The following XYLB variants were observed in gnomAD, a reference collection of about 807,000 sequenced individuals.
XYLB encodes the protein xylulose kinase.
Under a neutral mutation model 78.7 loss-of-function variants are expected in XYLB, and 62 were observed. The ratio of observed to expected loss-of-function variants is 0.79; its 90% CI spans 0.64 to 0.97. The LOEUF is 0.97. Among genes scored for constraint, XYLB ranks in the 50% least tolerant of loss-of-function variants. XYLB has a pLI of 0.00. For synonymous variants in XYLB, 245 were observed against 247.4 expected (o/e 0.99, Z 0.09); for missense variants, 687 against 676.8 (o/e 1.02, Z -0.17).
rs71959934 is a variant in XYLB at position 38,374,027 on chromosome 3, T to TA, written c.848-423dup. ...AGTGAGACCCCACCTATATATCTCT[T>TA]AAAAAAAAAAAAGATTGCTGTTGTG... On this transcript the variant is annotated intron_variant, in intron 10 of 18. Coordinates refer to ENST00000207870, the MANE Select transcript of XYLB (RefSeq NM_005108.4). Among the ~76,000 whole-genome samples the TA allele has an allele frequency of 5.4e-3, 799 of 146,958 alleles. 2 individuals carry two copies. Among genetic ancestry groups the TA allele is most frequent in the South Asian group, 0.018 (85 of 4,664 alleles).
At chr3:38,434,504 TC>T in the XYLB span, among the ~76,000 whole-genome samples, 1 of 152,230 alleles carries the variant, frequency 6.6e-6, no homozygotes, top group Non-Finnish European at 1.5e-5. Flanking sequence ...GAAATGTCTT[TC>T]CCAAATAAGC....
At chr3:38,442,088 A>C in the XYLB span, among the ~76,000 whole-genome samples, 1 of 152,204 alleles carries the variant, frequency 6.6e-6, no homozygotes, top group Admixed American at 6.5e-5. Context: ...AGCAAAACCC[A>C]GTGATTCCAA....
intron 15 of XYLB, among the ~76,000 whole-genome samples, chr3:38,385,231 C>T (rs1374539232): frequency 6.6e-6 from 1 of 152,136 alleles, no homozygotes; most frequent in African/African-American, 2.4e-5. Flanking sequence ...AACTCTTGAC[C>T]TCACGTGATC....
chr3:38,346,966 C>A lies in XYLB; in HGVS notation c.57+41C>A, dbSNP rs140100060. On this transcript the variant is annotated intron_variant, in intron 1 of 18. Coordinates refer to ENST00000207870, the MANE Select transcript of XYLB (RefSeq NM_005108.4). Reference sequence around the variant, plus strand: ...CGCAGGGCCACGGGGCCGCCTCCTCCGCTTCGGTGGGGGTAGGGGGCGGGC... The same window carrying A: ...CGCAGGGCCACGGGGCCGCCTCCTCAGCTTCGGTGGGGGTAGGGGGCGGGC... The A allele has an allele frequency of 4.4e-4, 617 of 1,416,510 alleles. 1 individual carries two copies. In the African/African-American group the frequency reaches 8.0e-3, roughly 18 times the overall value. The allele number at this position is 1,416,510 out of a possible 1,614,324, so 87.7% of individuals were successfully genotyped here. A position where few individuals can be genotyped will look rare whatever the true frequency, so the allele number is the denominator to read the frequency against.
At chr3:38,410,097 C>A (rs1708509731) in intron 18 of XYLB, among the ~76,000 whole-genome samples, 1 of 152,284 alleles carries the variant, frequency 6.6e-6, no homozygotes, top group Admixed American at 6.5e-5. Context: ...GCCAAAAGAA[C>A]AAAGCTGGAG....
chr3:38,366,954 C>T, intron 7 of XYLB, 81 bp downstream of exon 7: 1 of 970,230 alleles, frequency 1.0e-6, no homozygotes, highest in East Asian at 2.5e-5. Context: ...ATCTTACGTG[C>T]AGTGACTGAA....
At position 38,365,677 on chromosome 3, in the gene XYLB, G is replaced by C. The variant is rs1290727445; in HGVS notation, c.448G>C (p.Glu150Gln). 5.6e-6 allele frequency: 9 copies of C among 1,613,840 alleles called. No homozygotes were observed. Among genetic ancestry groups the C allele is most frequent in the Non-Finnish European group, 7.6e-6 (9 of 1,180,000 alleles). The change falls in exon 6 of 19, where the codon GAG becomes CAG. Residue 150 changes from glutamate to glutamine, a missense_variant. Physicochemically the swap from Glu to Gln is conservative, Grantham distance 29. Coordinates refer to ENST00000207870, the MANE Select transcript of XYLB (RefSeq NM_005108.4). ...SSTTAQCRQL[E>Q]AAVGGAQALS... is the part of the protein sequence containing the mutation. ...CACCACAGCCCAGTGCCGCCAGCTGGAGGCTGCTGTGGGTGGTGCTCAGGC... is the reference window on the plus strand; with the variant it reads ...CACCACAGCCCAGTGCCGCCAGCTGCAGGCTGCTGTGGGTGGTGCTCAGGC...
At chr3:38,412,892 G>A (rs748742193) in intron 18 of XYLB, 44 bp from the exon 19 acceptor site, 8 of 1,528,826 alleles carry the variant, frequency 5.2e-6, no homozygotes, top group East Asian at 2.4e-5. Flanking sequence ...GATGTAAGAG[G>A]CATTTTCCCC....
In XYLB at chr3:38,346,867, C is replaced by T; in HGVS notation, c.-2C>T. ...CGGACGCGCAGCCTTACCCGAAAGGCCATGGCGGAGCACGCCCCTCGCCGC... is the reference window on the plus strand; with the variant it reads ...CGGACGCGCAGCCTTACCCGAAAGGTCATGGCGGAGCACGCCCCTCGCCGC... On this transcript the variant is annotated 5_prime_UTR_variant, in exon 1 of 19. Transcript: ENST00000207870. 6.6e-7 allele frequency: 1 copy of T among 1,519,552 alleles called. No homozygotes were observed. 94.1% of individuals were successfully genotyped at this position (1,519,552 alleles called of 1,614,324 possible). A position where few individuals can be genotyped will look rare whatever the true frequency, so the allele number is the denominator to read the frequency against.
the XYLB span, among the ~76,000 whole-genome samples, chr3:38,435,344 C>T: frequency 6.6e-6 from 1 of 152,088 alleles, no homozygotes; most frequent in Admixed American, 6.6e-5. Context: ...CACACACACA[C>T]ACAAAGTCAT....
chr3:38,376,544 C>T (rs569897516), intron 13 of XYLB, among the ~76,000 whole-genome samples: 7 of 152,338 alleles, frequency 4.6e-5, no homozygotes, highest in African/African-American at 1.4e-4. Flanking sequence ...GGTGCATCCC[C>T]GTTCACAGCC....
At chr3:38,373,507 C>T (rs1706683462) in intron 10 of XYLB, among the ~76,000 whole-genome samples, 1 of 152,212 alleles carries the variant, frequency 6.6e-6, no homozygotes, top group Non-Finnish European at 1.5e-5. Context: ...GTATCTTTCT[C>T]ATTTTAACAG....
At chr3:38,382,894 G>T (rs776400614) in intron 15 of XYLB, among the ~76,000 whole-genome samples, 1 of 152,178 alleles carries the variant, frequency 6.6e-6, no homozygotes, top group Non-Finnish European at 1.5e-5. Context: ...CTGTCTTGCC[G>T]CTCTGCTGAG....
Position 38,346,794 on chromosome 3 carries a change from C to T in XYLB, c.-75C>T. ...AGGGGCGGGCCCCTGCGTCTCTGGG[C>T]GCTGGAGCGCGGCGACTATCACGCC... On this transcript the variant is annotated 5_prime_UTR_variant, in exon 1 of 19. Transcript: ENST00000207870. 2.1e-6 allele frequency: 3 copies of T among 1,412,652 alleles called. No individual in the cohort carries two copies. Among genetic ancestry groups the T allele is most frequent in the Non-Finnish European group, 2.8e-6 (3 of 1,072,730 alleles). The allele number at this position is 1,412,652 out of a possible 1,614,324, so 87.5% of individuals were successfully genotyped here.
At chr3:38,435,406 A>G in the XYLB span, among the ~76,000 whole-genome samples, 1 of 152,196 alleles carries the variant, frequency 6.6e-6, no homozygotes, top group South Asian at 2.1e-4. Flanking sequence ...AGTTATAAAC[A>G]TATATGCACC....
At chr3:38,395,376 G>A in intron 15 of XYLB, 129 bp from the exon 16 acceptor site, 1 of 800,206 alleles carries the variant, frequency 1.2e-6, no homozygotes, top group East Asian at 2.7e-5. Context: ...CTCTCCCGTA[G>A]TCCTGTGTGA....
At chr3:38,431,387 T>G in the XYLB span, among the ~76,000 whole-genome samples, 1 of 152,240 alleles carries the variant, frequency 6.6e-6, no homozygotes, top group Non-Finnish European at 1.5e-5. Flanking sequence ...TTGTGATTTT[T>G]GCACATTGAT....
chr3:38,436,375 G>A, the XYLB span, among the ~76,000 whole-genome samples: 4 of 152,146 alleles, frequency 2.6e-5, no homozygotes, highest in East Asian at 7.7e-4. Context: ...GAACCAAGAA[G>A]AAATAGAAAA....
chr3:38,377,094 C>T lies in XYLB; in HGVS notation c.1194+103C>T, dbSNP rs1225413507. On this transcript the variant is annotated intron_variant, in intron 14 of 18. Transcript: ENST00000207870. ...GTTACTTTTAGGGACTTCATTCATT[C>T]ACTCATCCATTAATATCATACACAC... The T allele has an allele frequency of 6.9e-6, 7 of 1,021,294 alleles. No homozygotes were observed. The Admixed American group carries it at 9.7e-5, about 14-fold the overall frequency. 63.3% of individuals were successfully genotyped at this position (1,021,294 alleles called of 1,614,324 possible). A position where few individuals can be genotyped will look rare whatever the true frequency, so the allele number is the denominator to read the frequency against.
Sources: gnomAD v4.1 joint callset for allele counts (sites outside exome capture counted in the v4.1 genomes callset) on GRCh38, gnomAD v4.1.1 for gene constraint, MANE v1.5 for transcripts, NCBI Gene and HGNC (gene_info 2026-07-23, HGNC 2026-07-21) for gene names.